Variants in KCNJ3 observed in about 807,000 individuals in gnomAD.
The protein encoded by KCNJ3 is G protein-activated inward rectifier potassium channel 1.
In KCNJ3, 4 loss-of-function variants were observed where a neutral mutation model predicts 39.2. The ratio of observed to expected loss-of-function variants is 0.10; its 90% CI spans 0.05 to 0.23. The LOEUF is 0.23. Ranked by LOEUF, KCNJ3 falls within the 10% of genes least tolerant of loss-of-function variation. The pLI is 1.00. For synonymous variants in KCNJ3, 230 were observed against 237.4 expected, an observed-to-expected ratio of 0.97 and a Z score of 0.29; for missense variants, 276 against 634.9, an observed-to-expected ratio of 0.43 and a Z score of 6.08.
intron 2 of KCNJ3, among the ~76,000 whole-genome samples, chr2:154,766,519 C>G (rs1333952673): frequency 6.6e-6 from 1 of 151,490 alleles, no homozygotes; most frequent in African/African-American, 2.4e-5. Context: ...AAAAATGATC[C>G]ATAATTATTT....
chr2:154,764,743 A>G (rs1686103137), intron 2 of KCNJ3, among the ~76,000 whole-genome samples: 1 of 152,140 alleles, frequency 6.6e-6, no homozygotes, highest in Non-Finnish European at 1.5e-5. Context: ...TAATGTTTTA[A>G]GAAAGTGTAT....
At chr2:154,738,787 T>C (rs1685593215) in intron 2 of KCNJ3, among the ~76,000 whole-genome samples, 2 of 151,834 alleles carry the variant, frequency 1.3e-5, no homozygotes, top group Non-Finnish European at 2.9e-5. Context: ...GGACTATCTT[T>C]CAAAAAAAGA....
rs1413371056 is a variant in KCNJ3 at position 154,856,955 on chromosome 2, G to A, written c.*1642G>A. The A allele has an allele frequency of 6.6e-6, 1 of 151,946 alleles. No homozygotes were observed. 9.4% of individuals were successfully genotyped at this position (151,946 alleles called of 1,614,324 possible). On this transcript the variant is annotated 3_prime_UTR_variant, in exon 3 of 3. Coordinates refer to ENST00000295101, the MANE Select transcript of KCNJ3 (RefSeq NM_002239.4). Reference sequence around the variant, plus strand: ...TGTCAGTCATTAATTGCTAGTTTGGGCTCTCATTATTTCCTGTTTTTTAAC... The same window carrying A: ...TGTCAGTCATTAATTGCTAGTTTGGACTCTCATTATTTCCTGTTTTTTAAC...
In KCNJ3 at chr2:154,798,928, C is replaced by CGT. The variant is rs138336074; in HGVS notation, c.920-55784_920-55783dup. ...GTGTGTGTGATGTGTATGTGCATGC[C>CGT]GTGTGTGTGTGTGTGTATGCCATGT... On this transcript the variant is annotated intron_variant, in intron 2 of 2. Coordinates refer to ENST00000295101, the MANE Select transcript of KCNJ3 (RefSeq NM_002239.4). Among the ~76,000 whole-genome samples the CGT allele has an allele frequency of 9.7e-3, 1,447 of 148,938 alleles. 27 individuals are homozygous for CGT. Among genetic ancestry groups the CGT allele is most frequent in the African/African-American group, 0.033 (1,346 of 40,664 alleles).
At chr2:154,702,605 G>A (rs1684923166) in intron 1 of KCNJ3, among the ~76,000 whole-genome samples, 1 of 151,718 alleles carries the variant, frequency 6.6e-6, no homozygotes, top group African/African-American at 2.4e-5. Flanking sequence ...CTCTATTCCT[G>A]TCTTCCAGCC....
At chr2:154,760,437 T>C (rs1686017160) in intron 2 of KCNJ3, among the ~76,000 whole-genome samples, 1 of 152,188 alleles carries the variant, frequency 6.6e-6, no homozygotes, top group Non-Finnish European at 1.5e-5. Flanking sequence ...AGTTTATTAT[T>C]AAATTTATTG....
intron 2 of KCNJ3, among the ~76,000 whole-genome samples, chr2:154,795,265 A>C (rs2105213026): frequency 6.6e-6 from 1 of 152,192 alleles, no homozygotes; most frequent in African/African-American, 2.4e-5. Flanking sequence ...ATCCCTTGGC[A>C]CAAATCAGTG....
At chr2:154,832,825 A>G (rs1687386465) in intron 2 of KCNJ3, among the ~76,000 whole-genome samples, 1 of 152,220 alleles carries the variant, frequency 6.6e-6, no homozygotes, top group African/African-American at 2.4e-5. Context: ...AGGCACAGAA[A>G]ATCTACGTAT....
In KCNJ3 at chr2:154,754,575, G is replaced by A. The variant is rs139831829; in HGVS notation, c.919+44756G>A. Among the ~76,000 whole-genome samples the A allele has an allele frequency of 7.5e-3, 1,142 of 152,214 alleles. 9 individuals are homozygous for A. The highest frequency in any genetic ancestry group is 0.027 in the Middle Eastern group (8 of 294). ...CAGGCATGAGCCACCGCACCCGGCT[G>A]TAAACATTTCTTTAATAATACTTCA... is the stretch of plus-strand genomic sequence containing the variant. On this transcript the variant is annotated intron_variant, in intron 2 of 2. Coordinates refer to ENST00000295101, the MANE Select transcript of KCNJ3 (RefSeq NM_002239.4).
chr2:154,777,739 G>A (rs1686364122), intron 2 of KCNJ3, among the ~76,000 whole-genome samples: 1 of 151,880 alleles, frequency 6.6e-6, no homozygotes, highest in South Asian at 2.1e-4. Flanking sequence ...CTTTTGCAAA[G>A]GCTTAAAATG....
intron 1 of KCNJ3, among the ~76,000 whole-genome samples, chr2:154,701,763 G>A (rs557482440): frequency 6.6e-6 from 1 of 152,108 alleles, no homozygotes; most frequent in South Asian, 2.1e-4. Context: ...AAGTAAACAC[G>A]ATTTACCTGT....
At chr2:154,842,905 T>C (rs1272935604) in intron 2 of KCNJ3, among the ~76,000 whole-genome samples, 1 of 152,218 alleles carries the variant, frequency 6.6e-6, no homozygotes, top group Non-Finnish European at 1.5e-5. Flanking sequence ...TGCCGGTCTG[T>C]ATCTTTTAAT....
intron 2 of KCNJ3, among the ~76,000 whole-genome samples, chr2:154,742,733 T>G (rs1231810660): frequency 6.6e-6 from 1 of 151,888 alleles, no homozygotes; most frequent in Non-Finnish European, 1.5e-5. Flanking sequence ...TGTTTTTTAA[T>G]AGTTGAGTTT....
intron 2 of KCNJ3, among the ~76,000 whole-genome samples, chr2:154,764,768 C>CAA (rs1686103499): frequency 6.6e-6 from 1 of 151,708 alleles, no homozygotes; most frequent in Non-Finnish European, 1.5e-5. Context: ...TTGTGTTGGA[C>CAA]CTCATTCAAA....
chr2:154,720,825 G>C (rs1479405764), intron 2 of KCNJ3, among the ~76,000 whole-genome samples: 1 of 152,060 alleles, frequency 6.6e-6, no homozygotes, highest in African/African-American at 2.4e-5. Context: ...TCTTCACTAA[G>C]GGTTTACTTT....
At chr2:154,828,602 T>C (rs2961975) in intron 2 of KCNJ3, among the ~76,000 whole-genome samples, 27,022 of 152,118 alleles carry the variant, frequency 0.18, 3,077 homozygotes, top group East Asian at 0.41. Context: ...ATAACTAGAC[T>C]CTTAGCTCAG....
intron 2 of KCNJ3, among the ~76,000 whole-genome samples, chr2:154,746,914 A>G (rs1305766660): frequency 6.6e-6 from 1 of 151,806 alleles, no homozygotes; most frequent in Non-Finnish European, 1.5e-5. Context: ...ATAATAGCTC[A>G]TTGCTTGAAT....
intron 2 of KCNJ3, among the ~76,000 whole-genome samples, chr2:154,739,598 T>G (rs1685610530): frequency 6.6e-6 from 1 of 152,076 alleles, no homozygotes; most frequent in Non-Finnish European, 1.5e-5. Context: ...CTTCATCCTA[T>G]CTTGGCTTTT....
intron 2 of KCNJ3, among the ~76,000 whole-genome samples, chr2:154,805,958 A>G (rs935099246): frequency 4.6e-5 from 7 of 152,148 alleles, no homozygotes; most frequent in African/African-American, 1.7e-4. Context: ...AGCCAAAAAT[A>G]TGTTCTGCAT....
Sources: allele counts gnomAD v4.1 joint callset (sites outside exome capture counted in the v4.1 genomes callset), GRCh38; gene constraint gnomAD v4.1.1; transcripts MANE v1.5; gene names NCBI Gene and HGNC (gene_info 2026-07-23, HGNC 2026-07-21).